Variants in CSPG4 observed in about 807,000 individuals in gnomAD.
The protein encoded by CSPG4 is chondroitin sulfate proteoglycan 4, also known as chondroitin sulfate proteoglycan 4 (melanoma-associated).
A neutral mutation model predicts 139.3 loss-of-function variants in CSPG4; 74 were observed. That is an observed-to-expected ratio of 0.53 (90% CI 0.44 to 0.64). The LOEUF is 0.64. Among genes scored for constraint, CSPG4 ranks in the 30% least tolerant of loss-of-function variants. The pLI is 0.00. For missense variants in CSPG4, 2,565 were observed against 3,148.3 expected (o/e 0.81, Z 4.43); for synonymous variants, 1,234 against 1,394.2 (o/e 0.89, Z 2.56).
chr15:75,682,813 G>A, intron 6 of CSPG4, 30 bp downstream of exon 6: 1 of 1,606,006 alleles, frequency 6.2e-7, no homozygotes, highest in South Asian at 1.1e-5. Context: ...GTGGGCAGCA[G>A]GAACCCGAGG....
intron 9 of CSPG4, 117 bp downstream of exon 9, chr15:75,677,586 A>G: frequency 7.7e-7 from 1 of 1,302,060 alleles, no homozygotes; most frequent in Non-Finnish European, 1.1e-6. Context: ...CCTCCCTGTG[A>G]CTTCCCAGGT....
At chr15:75,706,346 A>G (rs1894371560) in intron 1 of CSPG4, among the ~76,000 whole-genome samples, 2 of 151,970 alleles carry the variant, frequency 1.3e-5, no homozygotes, top group Admixed American at 1.3e-4. Flanking sequence ...GGCTCGGGGC[A>G]GGACACTCTC....
chr15:75,682,769 G>A (rs758064667), intron 6 of CSPG4, 28 bp from the exon 7 acceptor site: 1 of 1,609,412 alleles, frequency 6.2e-7, no homozygotes, highest in Non-Finnish European at 8.5e-7. Flanking sequence ...GGGTCCAGCT[G>A]GCCCGAGCCG....
rs766677030 is a variant in CSPG4, at chr15:75,682,835, G to A, written c.4648+8C>T. 6.8e-6 allele frequency: 11 copies of A among 1,607,754 alleles called. No homozygotes were observed. The South Asian group carries it at 1.2e-4, about 18-fold the overall frequency. The stretch of plus-strand genomic sequence containing the variant: ...GCAGGAACCCGAGGCCCGGCCCTCA[G>A]CACCCACCTCTGTGTGAGAACAGCA... On this transcript the variant is annotated splice_region_variant and intron_variant, in intron 6 of 9. Coordinates refer to ENST00000308508, the MANE Select transcript of CSPG4 (RefSeq NM_001897.5).
At position 75,689,193 on chromosome 15, in the gene CSPG4, G is replaced by T. The variant is rs376008604; in HGVS notation, c.1872C>A (p.Gly624=). The T allele has an allele frequency of 1.2e-4, 194 of 1,607,158 alleles. 1 individual carries two copies. Among genetic ancestry groups the T allele is most frequent in the South Asian group, 1.1e-3 (98 of 90,670 alleles). ...TEFSCRELEA[G]SLVYVHRGGP... ...CACCGCGGTGGACATAGACTAGGCT[G>T]CCGGCCTCCAACTCCCGGCAGGAGA... The change falls in exon 3 of 10, where the codon GGC becomes GGA. Residue 624 remains glycine (G), a synonymous_variant. Coordinates refer to ENST00000308508, the MANE Select transcript of CSPG4 (RefSeq NM_001897.5).
chr15:75,705,040 T>G (rs1461464205), intron 1 of CSPG4, among the ~76,000 whole-genome samples: 1 of 152,144 alleles, frequency 6.6e-6, no homozygotes, highest in East Asian at 1.9e-4. Flanking sequence ...TTCTCCTCAC[T>G]CACCTGCTCT....
intron 1 of CSPG4, among the ~76,000 whole-genome samples, chr15:75,704,996 G>A (rs762943860): frequency 2.0e-5 from 3 of 152,184 alleles, no homozygotes; most frequent in Non-Finnish European, 4.4e-5. Context: ...TAGGGTCCCC[G>A]TCCCATAAAA....
chr15:75,690,185 G>A lies in CSPG4; in HGVS notation c.880C>T (p.His294Tyr), dbSNP rs143534839. The change falls in exon 3 of 10, where the codon CAC becomes TAC. Residue 294 changes from histidine (H) to tyrosine (Y), a missense_variant. Physicochemically the swap from His to Tyr is moderately conservative, Grantham distance 83. Coordinates refer to ENST00000308508, the MANE Select transcript of CSPG4 (RefSeq NM_001897.5). ...TGGTCCACGGAGATTTCCAGCCGGT[G>A]AGCATTGATGTGGACACTGACCTCA... Reference protein sequence around the residue: ...PHEVSVHINAHRLEISVDQYP... With the variant: ...PHEVSVHINAYRLEISVDQYP... The A allele has an allele frequency of 1.9e-5, 31 of 1,613,214 alleles. No individual in the cohort carries two copies. The highest frequency in any genetic ancestry group is 2.6e-5 in the Non-Finnish European group (31 of 1,179,904).
chr15:75,677,495 A>G (rs1893911134), intron 9 of CSPG4, 111 bp from the exon 10 acceptor site: 1 of 1,267,454 alleles, frequency 7.9e-7, no homozygotes, highest in Non-Finnish European at 1.1e-6. Context: ...CCATCAAGCC[A>G]GGTCCTCCAG....
Position 75,688,471 on chromosome 15 carries a change from G to A in CSPG4, c.2594C>T (p.Ala865Val). 5 of 1,613,230 alleles carry A rather than the reference G, an allele frequency of 3.1e-6. No individual in the cohort carries two copies. The highest frequency in any genetic ancestry group is 2.2e-5 in the South Asian group (2 of 91,090). Residue 865 changes from alanine (A) to valine (V), a missense_variant, in exon 3 of 10, where the codon GCC becomes GTC. Transcript: ENST00000308508. Reference sequence around the variant, plus strand: ...GAAGGTGTCCTCGACTGCCTCTGAGGCACGTGCTGTGGCCCCATAGGTCAC... The same window carrying A: ...GAAGGTGTCCTCGACTGCCTCTGAGACACGTGCTGTGGCCCCATAGGTCAC... ...GRVTYGATAR[A>V]SEAVEDTFRF...
At chr15:75,678,183 G>A (rs1893921028) in intron 8 of CSPG4, among the ~76,000 whole-genome samples, 1 of 152,166 alleles carries the variant, frequency 6.6e-6, no homozygotes, top group Admixed American at 6.5e-5. Flanking sequence ...TCTAAAGCGA[G>A]TACTTCCTCT....
chr15:75,676,231 G>A lies in CSPG4; in HGVS notation c.6288C>T (p.Arg2096=), dbSNP rs1034094927. 3.8e-5 allele frequency: 59 copies of A among 1,552,278 alleles called. No individual in the cohort carries two copies. Among genetic ancestry groups the A allele is most frequent in the Middle Eastern group, 1.7e-4 (1 of 6,022 alleles). ...LEGPRHGRVV[R]VPRARTEPGG... is the part of the protein sequence containing the mutation. ...CGGGCTCCGTCCTGGCTCGGGGCACGCGGACCACGCGGCCATGCCGGGGTC... is the reference window on the plus strand; with the variant it reads ...CGGGCTCCGTCCTGGCTCGGGGCACACGGACCACGCGGCCATGCCGGGGTC... The change falls in exon 10 of 10, where the codon CGC becomes CGT. Residue 2096 remains arginine (R), a synonymous_variant. Transcript: ENST00000308508.
rs1894250282 is a variant in CSPG4, at chr15:75,698,036, G to A, written c.89-4803C>T. 1.3e-5 allele frequency among the ~76,000 whole-genome samples: 2 copies of A among 152,216 alleles called. No homozygotes were observed. Among genetic ancestry groups the A allele is most frequent in the Admixed American group, 6.5e-5 (1 of 15,286 alleles). On this transcript the variant is annotated intron_variant, in intron 1 of 9. Coordinates refer to ENST00000308508, the MANE Select transcript of CSPG4 (RefSeq NM_001897.5). This position sits in a 1 kb window ranked among gnomAD's most constrained non-coding sequence, Gnocchi z 4.3. ...AAGGAGACGGAGGAGGAAAACTCGA[G>A]GGAGACAGAGAAGGCGGGATGTTGG...
Position 75,688,467 on chromosome 15 carries a change from T to G in CSPG4, c.2598A>C (p.Ser866=), listed in dbSNP as rs1203046752. Residue 866 remains serine (S), a synonymous_variant, in exon 3 of 10, where the codon TCA becomes TCC. Transcript: ENST00000308508. ...RVTYGATARA[S]EAVEDTFRFR... The stretch of plus-strand genomic sequence containing the variant: ...AACGGAAGGTGTCCTCGACTGCCTC[T>G]GAGGCACGTGCTGTGGCCCCATAGG... The G allele has an allele frequency of 6.2e-7, 1 of 1,613,250 alleles. No homozygotes were observed. The highest frequency in any genetic ancestry group is 1.7e-5 in the Admixed American group (1 of 60,022).
Position 75,682,630 on chromosome 15 carries a change from C to T in CSPG4, c.4760G>A (p.Ser1587Asn). ...ACCTGGGCAGACAGTCAGTGTCTGG[C>T]TGCCCTTCAGCGAGAGGAGCACTTG... Reference protein sequence around the residue: ...QKQVLLSLKGSQTLTVCPGSV... With the variant: ...QKQVLLSLKGNQTLTVCPGSV... Residue 1587 changes from serine to asparagine, a missense_variant, in exon 7 of 10, where the codon AGC becomes AAC. Transcript: ENST00000308508. The T allele has an allele frequency of 6.2e-7, 1 of 1,613,148 alleles. No individual in the cohort carries two copies. Among genetic ancestry groups the T allele is most frequent in the Non-Finnish European group, 8.5e-7 (1 of 1,180,028 alleles).
At chr15:75,705,647 G>A (rs372382742) in intron 1 of CSPG4, among the ~76,000 whole-genome samples, 4 of 152,298 alleles carry the variant, frequency 2.6e-5, no homozygotes, top group African/African-American at 7.2e-5. Context: ...CTCTAATGCC[G>A]TGTTTCACCA....
chr15:75,675,104 T>G lies in CSPG4; in HGVS notation c.*446A>C, dbSNP rs1893870541. On this transcript the variant is annotated 3_prime_UTR_variant, in exon 10 of 10. Coordinates refer to ENST00000308508, the MANE Select transcript of CSPG4 (RefSeq NM_001897.5). ...TCTGGGGCAGAGACAAAGGGTGGCC[T>G]GGGTTGGAGTGGAAAAGCCAGGAAT... 1 of 339,128 alleles carries G rather than the reference T, an allele frequency of 2.9e-6. No homozygotes were observed. The highest frequency in any genetic ancestry group is 5.3e-6 in the Non-Finnish European group (1 of 188,794). 21.0% of individuals were successfully genotyped at this position (339,128 alleles called of 1,614,324 possible). A position where few individuals can be genotyped will look rare whatever the true frequency, so the allele number is the denominator to read the frequency against.
Position 75,689,601 on chromosome 15 carries a change from G to A in CSPG4, c.1464C>T (p.Ala488=). The A allele has an allele frequency of 6.2e-7, 1 of 1,612,800 alleles. No homozygotes were observed. Among genetic ancestry groups the A allele is most frequent in the Non-Finnish European group, 8.5e-7 (1 of 1,179,840 alleles). The change falls in exon 3 of 10, where the codon GCC becomes GCT. Residue 488 remains alanine, a synonymous_variant. Transcript: ENST00000308508. ...GGAGGGTGAACATTTTTCGTGCCTG[G>A]GCTCCCGGGATGTCCAGCTCGAGCT... ...HGELELDIPG[A]QARKMFTLLD...
Position 75,675,408 on chromosome 15 carries a change from T to A in CSPG4, c.*142A>T. The A allele has an allele frequency of 1.1e-6, 1 of 923,812 alleles. No homozygotes were observed. Among genetic ancestry groups the A allele is most frequent in the Non-Finnish European group, 1.4e-6 (1 of 689,836 alleles). The allele number at this position is 923,812 out of a possible 1,614,324, so 57.2% of individuals were successfully genotyped here. A position where few individuals can be genotyped will look rare whatever the true frequency, so the allele number is the denominator to read the frequency against. ...TCTGTCCCGGACCCCTGGGACTATC[T>A]CCCAGGACCCTCCACCCCTGGTGTC... On this transcript the variant is annotated 3_prime_UTR_variant, in exon 10 of 10. Coordinates refer to ENST00000308508, the MANE Select transcript of CSPG4 (RefSeq NM_001897.5).
Sources: allele counts gnomAD v4.1 joint callset (sites outside exome capture counted in the v4.1 genomes callset), GRCh38; gene constraint gnomAD v4.1.1; non-coding constraint Gnocchi (gnomAD v3.1); transcripts MANE v1.5; gene names NCBI Gene and HGNC (gene_info 2026-07-23, HGNC 2026-07-21).